Variants in SPTSSA observed in about 807,000 individuals in gnomAD.
The protein encoded by SPTSSA is small subunit of serine palmitoyltransferase A.
Under a neutral mutation model 9.1 loss-of-function variants are expected in SPTSSA, and 8 were observed. That is an observed-to-expected ratio of 0.88 (90% CI 0.51 to 1.58). SPTSSA has a LOEUF of 1.58. Among genes scored for constraint, SPTSSA ranks in the 40% most tolerant of loss-of-function variants. SPTSSA has a pLI of 0.00. For synonymous variants in SPTSSA, 42 were observed against 37.7 expected (o/e 1.11, Z -0.41); for missense variants, 100 against 93.8 (o/e 1.07, Z -0.27).
intron 1 of SPTSSA, among the ~76,000 whole-genome samples, chr14:34,455,086 T>A (rs1283709688): frequency 6.8e-6 from 1 of 146,210 alleles, no homozygotes; most frequent in Admixed American, 6.8e-5. Flanking sequence ...GACTCCATCT[T>A]GAGAAAAAAA....
intron 1 of SPTSSA, among the ~76,000 whole-genome samples, chr14:34,446,771 TC>T (rs1256614208): frequency 6.6e-6 from 1 of 152,224 alleles, no homozygotes; most frequent in African/African-American, 2.4e-5. Flanking sequence ...TTAAAGGCTA[TC>T]ATCACACAAC....
At chr14:34,450,824 A>C (rs1026487481) in intron 1 of SPTSSA, among the ~76,000 whole-genome samples, 12 of 152,190 alleles carry the variant, frequency 7.9e-5, no homozygotes, top group Non-Finnish European at 1.5e-4. Flanking sequence ...CTGAAGATAA[A>C]TGTTTGTTCA....
At chr14:34,446,586 TA>T in intron 1 of SPTSSA, among the ~76,000 whole-genome samples, 1 of 152,270 alleles carries the variant, frequency 6.6e-6, no homozygotes, top group African/African-American at 2.4e-5. Context: ...CAGTCAAAAA[TA>T]AAACACTGGT....
At position 34,435,153 on chromosome 14, in the gene SPTSSA, G is replaced by A. The variant is rs771300777; in HGVS notation, c.*48C>T. ...CATCTGATGGTCTCATTCCAACTTC[G>A]TAGGGTGGGTCTTCCCCAAGGAACC... is the stretch of plus-strand genomic sequence containing the variant. On this transcript the variant is annotated 3_prime_UTR_variant, in exon 2 of 2. Transcript: ENST00000298130. The A allele has an allele frequency of 2.6e-5, 38 of 1,482,174 alleles. No individual in the cohort carries two copies. The highest frequency in any genetic ancestry group is 1.1e-4 in the South Asian group (9 of 85,538). 91.8% of individuals were successfully genotyped at this position (1,482,174 alleles called of 1,614,324 possible). A position where few individuals can be genotyped will look rare whatever the true frequency, so the allele number is the denominator to read the frequency against.
intron 1 of SPTSSA, among the ~76,000 whole-genome samples, chr14:34,443,172 T>TGTGTGTG (rs1883353252): frequency 5.1e-4 from 31 of 60,684 alleles, no homozygotes; most frequent in African/African-American, 9.7e-4. Flanking sequence ...TGTGTGTGTG[T>TGTGTGTG]TTTGAGATTG....
rs926749671 is a variant in SPTSSA, at chr14:34,442,924, T to C, written c.113-7620A>G. Among the ~76,000 whole-genome samples the C allele has an allele frequency of 5.9e-5, 9 of 151,948 alleles. 1 individual carries two copies. The South Asian group carries it at 1.9e-3, about 32-fold the overall frequency. ...GCTAAGGTTCCAAGCTATTGGATCT[T>C]CCTTTGTGTGTGTGTATACATGTCT... On this transcript the variant is annotated intron_variant, in intron 1 of 1. Coordinates refer to ENST00000298130, the MANE Select transcript of SPTSSA (RefSeq NM_138288.4).
intron 1 of SPTSSA, among the ~76,000 whole-genome samples, chr14:34,461,075 CAA>C (rs1448712896): frequency 2.6e-5 from 4 of 152,148 alleles, no homozygotes; most frequent in African/African-American, 9.7e-5. Context: ...AATGCATTCG[CAA>C]AGTTATTCTG....
At chr14:34,459,725 G>A (rs143678942) in intron 1 of SPTSSA, among the ~76,000 whole-genome samples, 3,383 of 152,206 alleles carry the variant, frequency 0.022, 55 homozygotes, top group Middle Eastern at 0.068. Flanking sequence ...AGGTTGCAGT[G>A]AGCCAAGATG....
chr14:34,435,202 C>T lies in SPTSSA; in HGVS notation c.215G>A (p.Ter72=), dbSNP rs753510530. 3.7e-6 allele frequency: 6 copies of T among 1,612,492 alleles called. No homozygotes were observed. In the South Asian group the frequency reaches 5.5e-5, roughly 15 times the overall value. ...CCTCTGATCCTGGTCGCATCTTGGTCATTGTACGATTTCAAAGTAGTGCAA... is the reference window on the plus strand; with the variant it reads ...CCTCTGATCCTGGTCGCATCTTGGTTATTGTACGATTTCAAAGTAGTGCAA... The part of the protein sequence containing the change: ...AILHYFEIVQ[*] The change falls in exon 2 of 2, where the codon TGA becomes TAA. Residue 72 remains the stop codon, a stop_retained_variant. Coordinates refer to ENST00000298130, the MANE Select transcript of SPTSSA (RefSeq NM_138288.4).
In SPTSSA at chr14:34,434,286, A is replaced by G. The variant is rs140614550; in HGVS notation, c.*915T>C. 28 of 152,748 alleles carry G rather than the reference A, an allele frequency of 1.8e-4. No homozygotes were observed. The highest frequency in any genetic ancestry group is 6.3e-4 in the African/African-American group (26 of 41,576). The allele number at this position is 152,748 out of a possible 1,614,324, so 9.5% of individuals were successfully genotyped here. On this transcript the variant is annotated 3_prime_UTR_variant, in exon 2 of 2. Coordinates refer to ENST00000298130, the MANE Select transcript of SPTSSA (RefSeq NM_138288.4). ...GTGAAAGGATTTTAACCAAGTTTAC[A>G]TTTCTTTTTGCTATAATTTTTAACA...
At chr14:34,442,049 T>C (rs113746769) in intron 1 of SPTSSA, among the ~76,000 whole-genome samples, 13,693 of 152,112 alleles carry the variant, frequency 0.09, 1,295 homozygotes, top group African/African-American at 0.23. Context: ...CTAATTTTTG[T>C]ATTTTTAGTA....
chr14:34,440,776 G>A (rs1165562056), intron 1 of SPTSSA, among the ~76,000 whole-genome samples: 1 of 152,056 alleles, frequency 6.6e-6, no homozygotes, highest in African/African-American at 2.4e-5. Context: ...AGCTACTTGG[G>A]AGGCTGAGGC....
chr14:34,451,568 A>C (rs1257661275), intron 1 of SPTSSA, among the ~76,000 whole-genome samples: 1 of 152,008 alleles, frequency 6.6e-6, no homozygotes, highest in Non-Finnish European at 1.5e-5. Flanking sequence ...CTAAAAATAC[A>C]AAAAATTAGC....
At chr14:34,458,929 G>A (rs1300928128) in intron 1 of SPTSSA, among the ~76,000 whole-genome samples, 1 of 131,974 alleles carries the variant, frequency 7.6e-6, no homozygotes, top group African/African-American at 3.1e-5. Context: ...TTTTGAGACG[G>A]AGTCTCACTC....
intron 1 of SPTSSA, among the ~76,000 whole-genome samples, chr14:34,437,523 A>G (rs1250113801): frequency 6.6e-6 from 1 of 152,196 alleles, no homozygotes; most frequent in East Asian, 1.9e-4. Flanking sequence ...TTGCTTGGTA[A>G]CAATGCCCTA....
chr14:34,445,704 C>T (rs563360093), intron 1 of SPTSSA, among the ~76,000 whole-genome samples: 12 of 152,044 alleles, frequency 7.9e-5, no homozygotes, highest in Non-Finnish European at 1.5e-4. Flanking sequence ...TTTACATACA[C>T]GGGATTGCCA....
At position 34,456,885 on chromosome 14, in the gene SPTSSA, C is replaced by T. The variant is rs534032584; in HGVS notation, c.112+5211G>A. On this transcript the variant is annotated intron_variant, in intron 1 of 1. Transcript: ENST00000298130. ...CTGCACTCCAGCCTGGGCAACACAG[C>T]GAGACTCCATCTCAAAAAAAAAAAG... Among the ~76,000 whole-genome samples the T allele has an allele frequency of 2.7e-5, 4 of 148,564 alleles. No individual in the cohort carries two copies. The South Asian group carries it at 6.4e-4, about 24-fold the overall frequency.
chr14:34,435,206 G>T lies in SPTSSA; in HGVS notation c.211C>A (p.Gln71Lys). 1 of 1,612,822 alleles carries T rather than the reference G, an allele frequency of 6.2e-7. No individual in the cohort carries two copies. The highest frequency in any genetic ancestry group is 1.1e-5 in the South Asian group (1 of 90,864). ...TGATCCTGGTCGCATCTTGGTCATT[G>T]TACGATTTCAAAGTAGTGCAATATC... Reference protein sequence around the residue: ...MAILHYFEIVQ With the variant: ...MAILHYFEIVK Residue 71 changes from glutamine (Q) to lysine (K), a missense_variant, in exon 2 of 2, where the codon CAA becomes AAA. Gln to Lys is a moderately conservative substitution (Grantham distance 53, BLOSUM62 1). Transcript: ENST00000298130.
At chr14:34,455,401 A>G (rs1285722988) in intron 1 of SPTSSA, among the ~76,000 whole-genome samples, 1 of 152,044 alleles carries the variant, frequency 6.6e-6, no homozygotes, top group Non-Finnish European at 1.5e-5. Flanking sequence ...AGAAAAAAAA[A>G]AGGAGTATAT....
Sources: gnomAD v4.1 joint callset for allele counts (sites outside exome capture counted in the v4.1 genomes callset) on GRCh38, gnomAD v4.1.1 for gene constraint, MANE v1.5 for transcripts, NCBI Gene and HGNC (gene_info 2026-07-23, HGNC 2026-07-21) for gene names.